The following MAST4 variants were observed in gnomAD, a reference collection of about 807,000 sequenced individuals.
The protein encoded by MAST4 is microtubule associated serine/threonine kinase family member 4.
MAST4 carries 89 observed loss-of-function variants against 162.7 expected under a neutral mutation model. That is an observed-to-expected ratio of 0.55 (90% CI 0.46 to 0.65). The LOEUF is 0.65. Ranked by LOEUF, MAST4 falls within the 30% of genes least tolerant of loss-of-function variation. The pLI, the probability that MAST4 is intolerant of heterozygous loss-of-function variation, is 0.00. For missense variants in MAST4, 3,153 were observed against 3,374.0 expected, an observed-to-expected ratio of 0.93 and a Z score of 1.62; for synonymous variants, 1,479 against 1,361.1, an observed-to-expected ratio of 1.09 and a Z score of -1.91.
rs1314978759 is a variant in MAST4 at position 67,149,417 on chromosome 5, G to C, written c.3123G>C (p.Gln1041His). The change falls in exon 24 of 29, where the codon CAG becomes CAC. Residue 1041 changes from glutamine to histidine, a missense_variant. Gln to His is a conservative substitution (Grantham distance 24). Coordinates refer to ENST00000403625, the MANE Select transcript of MAST4 (RefSeq NM_001164664.2). ...GCAGTTTTTCAGAGCACTTGGATCAGATAAATGGACGAAGCGAGTGTGTGG... is the reference window on the plus strand; with the variant it reads ...GCAGTTTTTCAGAGCACTTGGATCACATAAATGGACGAAGCGAGTGTGTGG... ...SVGSFSEHLDQINGRSECVDS... is the reference protein window; with the variant it reads ...SVGSFSEHLDHINGRSECVDS... 1 of 1,613,326 alleles carries C rather than the reference G, an allele frequency of 6.2e-7. No homozygotes were observed. The highest frequency in any genetic ancestry group is 8.5e-7 in the Non-Finnish European group (1 of 1,179,650).
intron 1 of MAST4, among the ~76,000 whole-genome samples, chr5:66,755,794 ACT>A (rs142409107): frequency 0.041 from 6,226 of 152,172 alleles, 201 homozygotes; most frequent in Non-Finnish European, 0.058. Context: ...ACTTAAATCT[ACT>A]CTGTGATTTT....
intron 1 of MAST4, among the ~76,000 whole-genome samples, chr5:66,685,661 G>A (rs1051561293): frequency 3.9e-5 from 6 of 152,068 alleles, no homozygotes; most frequent in Non-Finnish European, 8.8e-5. Flanking sequence ...CCTTTGAGTC[G>A]TCTCGGGGAA....
At chr5:66,761,561 A>AT (rs139796536) in intron 2 of MAST4, among the ~76,000 whole-genome samples, 5,436 of 142,880 alleles carry the variant, frequency 0.038, 106 homozygotes, top group African/African-American at 0.056. Context: ...TGAATTACTC[A>AT]TTTTTTTTTT....
chr5:66,795,865 A>G (rs976766869), intron 3 of MAST4, among the ~76,000 whole-genome samples: 1 of 152,214 alleles, frequency 6.6e-6, no homozygotes, highest in Admixed American at 6.5e-5. Flanking sequence ...GGAAAGTAGT[A>G]ATCTCAATTG....
chr5:66,900,106 A>G, intron 4 of MAST4, 124 bp downstream of exon 4: 3 of 673,372 alleles, frequency 4.5e-6, no homozygotes, highest in East Asian at 3.3e-5. Flanking sequence ...AAAACAAAAA[A>G]CTGAATTTAT....
At chr5:66,660,176 G>A (rs1580128219) in intron 1 of MAST4, among the ~76,000 whole-genome samples, 1 of 152,150 alleles carries the variant, frequency 6.6e-6, no homozygotes, top group South Asian at 2.1e-4. Context: ...ATCACCTGAG[G>A]TCAGGAGTTC....
At chr5:66,609,156 G>T (rs546866219) in intron 1 of MAST4, among the ~76,000 whole-genome samples, 24 of 150,820 alleles carry the variant, frequency 1.6e-4, no homozygotes, top group Non-Finnish European at 2.9e-4. Flanking sequence ...TGCCTGGGAT[G>T]ATTTTCCTTT....
intron 3 of MAST4, among the ~76,000 whole-genome samples, chr5:66,874,988 A>C (rs1417530260): frequency 6.6e-6 from 1 of 152,196 alleles, no homozygotes; most frequent in African/African-American, 2.4e-5. Context: ...AAGGTAATGG[A>C]AAATCAAGGA....
At chr5:66,971,844 T>A (rs1299872092) in intron 4 of MAST4, among the ~76,000 whole-genome samples, 1 of 152,162 alleles carries the variant, frequency 6.6e-6, no homozygotes, top group African/African-American at 2.4e-5. Flanking sequence ...CACATCATTT[T>A]AAAAATCCTA....
intron 3 of MAST4, among the ~76,000 whole-genome samples, chr5:66,895,503 A>C (rs1264583498): frequency 2.0e-5 from 3 of 152,146 alleles, no homozygotes; most frequent in African/African-American, 7.2e-5. Context: ...TCTTGAATGT[A>C]GCATGTCAAA....
chr5:67,104,220 G>A (rs76987314), intron 9 of MAST4, 146 bp from the exon 10 acceptor site: 8,344 of 650,158 alleles, frequency 0.013, 98 homozygotes, highest in Non-Finnish European at 0.015. Flanking sequence ...TTTATCAGAA[G>A]TGAGGCTTCT....
intron 4 of MAST4, among the ~76,000 whole-genome samples, chr5:67,006,625 C>T (rs936854458): frequency 1.3e-5 from 2 of 152,178 alleles, no homozygotes; most frequent in African/African-American, 2.4e-5. Flanking sequence ...GTTCTGGCAT[C>T]GTATGTGTGT....
chr5:67,023,861 C>G (rs1177833912), intron 4 of MAST4, among the ~76,000 whole-genome samples: 1 of 151,850 alleles, frequency 6.6e-6, no homozygotes, highest in Non-Finnish European at 1.5e-5. Flanking sequence ...ACTGCTCCAT[C>G]TCTTCTTCAT....
rs1561695962 is a variant in MAST4 at position 67,131,836 on chromosome 5, A to G, written c.1978A>G (p.Lys660Glu). ...AGGGGGAGACTGTGCTACTTTAATG[A>G]AAAACATGGGTCCTCTCCCTGTTGA... Reference protein sequence around the residue: ...VEGGDCATLMKNMGPLPVDMA... With the variant: ...VEGGDCATLMENMGPLPVDMA... Residue 660 changes from lysine (K) to glutamate (E), a missense_variant, in exon 16 of 29, where the codon AAA becomes GAA. Physicochemically the swap from Lys to Glu is moderately conservative, Grantham distance 56. Coordinates refer to ENST00000403625, the MANE Select transcript of MAST4 (RefSeq NM_001164664.2). The G allele has an allele frequency of 6.2e-7, 1 of 1,613,190 alleles. No individual in the cohort carries two copies. The highest frequency in any genetic ancestry group is 8.5e-7 in the Non-Finnish European group (1 of 1,179,300).
At chr5:66,662,858 G>A (rs1236672281) in intron 1 of MAST4, 1 of 151,816 alleles carries the variant, frequency 6.6e-6, no homozygotes, top group Non-Finnish European at 1.5e-5. Context: ...GTTTTGTTTT[G>A]TTTTGAGACA....
At chr5:67,089,256 C>A (rs943207883) in intron 5 of MAST4, among the ~76,000 whole-genome samples, 3 of 152,198 alleles carry the variant, frequency 2.0e-5, no homozygotes, top group Non-Finnish European at 4.4e-5. Context: ...ATTAAACATG[C>A]AGAGGGAAGC....
chr5:67,018,901 C>T (rs1041641136), intron 4 of MAST4, among the ~76,000 whole-genome samples: 1 of 151,920 alleles, frequency 6.6e-6, no homozygotes, highest in Non-Finnish European at 1.5e-5. Flanking sequence ...ATACATGGCT[C>T]AAGACAAAAA....
At position 66,951,598 on chromosome 5, in the gene MAST4, A is replaced by ATGTGTG. The variant is rs59043309; in HGVS notation, c.674+51666_674+51671dup. 6.7e-3 allele frequency among the ~76,000 whole-genome samples: 816 copies of ATGTGTG among 122,394 alleles called. 7 individuals carry two copies. Among genetic ancestry groups the ATGTGTG allele is most frequent in the Admixed American group, 0.011 (131 of 11,894 alleles). The allele number at this position is 122,394 out of a possible 152,430, so 80.3% of individuals were successfully genotyped here. A position where few individuals can be genotyped will look rare whatever the true frequency, so the allele number is the denominator to read the frequency against. On this transcript the variant is annotated intron_variant, in intron 4 of 28. Transcript: ENST00000403625. ...AGGCCATTATTTTGCCTCCCATGATATGTGTGTGTGTGTGTGTGTGTGTGT... is the reference window on the plus strand; with the variant it reads ...AGGCCATTATTTTGCCTCCCATGATATGTGTGTGTGTGTGTGTGTGTGTGTGTGTGT...
At chr5:66,668,140 G>T (rs967032637) in intron 1 of MAST4, among the ~76,000 whole-genome samples, 1 of 152,170 alleles carries the variant, frequency 6.6e-6, no homozygotes, top group African/African-American at 2.4e-5. Context: ...ATAACAACTG[G>T]AAATGTAAAG....
Sources: allele counts gnomAD v4.1 joint callset (sites outside exome capture counted in the v4.1 genomes callset), GRCh38; gene constraint gnomAD v4.1.1; transcripts MANE v1.5; gene names NCBI Gene and HGNC (gene_info 2026-07-23, HGNC 2026-07-21).